The following KPNA7 variants were observed in gnomAD, a reference collection of about 807,000 sequenced individuals.
KPNA7 encodes importin subunit alpha-8.
In KPNA7, 54 loss-of-function variants were observed where a neutral mutation model predicts 53.7. The ratio of observed to expected loss-of-function variants is 1.01; its 90% CI spans 0.81 to 1.26. The LOEUF (loss-of-function observed/expected upper bound fraction) is 1.26, where lower values mean the gene tolerates loss of function less well. Ranked by LOEUF, KPNA7 falls within the 50% of genes most tolerant of loss-of-function variation. The probability of loss-of-function intolerance (pLI) is 0.00; values close to 1 mark genes in which losing one functional copy is unlikely to be tolerated. For synonymous variants in KPNA7, 276 were observed against 259.3 expected (o/e 1.06, Z -0.62); for missense variants, 640 against 644.5 (o/e 0.99, Z 0.07).
At chr7:99,207,278 C>T (rs1790862317) in intron 2 of KPNA7, 123 bp downstream of exon 2, 2 of 759,974 alleles carry the variant, frequency 2.6e-6, no homozygotes, top group Non-Finnish European at 4.6e-6. Flanking sequence ...TGTGATCTGC[C>T]CGTCTCAGCC....
the KPNA7 span, among the ~76,000 whole-genome samples, chr7:99,146,751 A>G: frequency 2.2e-5 from 3 of 135,426 alleles, no homozygotes; most frequent in East Asian, 2.1e-4. Flanking sequence ...AAAAAAAACA[A>G]CGGAAAATGC....
rs542466551 is a variant in KPNA7 at position 99,201,383 on chromosome 7, G to A, written c.201+1723C>T. On this transcript the variant is annotated intron_variant, in intron 3 of 10. Transcript: ENST00000327442. ...ATTTCTTTAAAAAATATGCTAATAT[G>A]CCAAGCACAGTGGCTCATGCCTGTA... Among the ~76,000 whole-genome samples, 6 of 152,094 alleles carry A rather than the reference G, an allele frequency of 3.9e-5. No individual in the cohort carries two copies. In the South Asian group the frequency reaches 6.2e-4, roughly 16 times the overall value.
At chr7:99,189,232 T>C (rs1204819911) in intron 6 of KPNA7, among the ~76,000 whole-genome samples, 2 of 152,194 alleles carry the variant, frequency 1.3e-5, no homozygotes. Context: ...TCTAATCTTC[T>C]AATTGAGAAT....
chr7:99,198,253 A>C (rs1790328286), intron 3 of KPNA7, among the ~76,000 whole-genome samples: 1 of 152,028 alleles, frequency 6.6e-6, no homozygotes, highest in Admixed American at 6.6e-5. Flanking sequence ...AACTTTACCA[A>C]CTTTACAAAA....
At chr7:99,174,602 C>CA (rs1026346389) in intron 10 of KPNA7, among the ~76,000 whole-genome samples, 6 of 152,082 alleles carry the variant, frequency 3.9e-5, no homozygotes, top group African/African-American at 1.4e-4. Flanking sequence ...TTGATGACTG[C>CA]AGGTACCAAA....
intron 8 of KPNA7, among the ~76,000 whole-genome samples, chr7:99,183,167 A>G (rs967751339): frequency 1.3e-5 from 2 of 152,056 alleles, no homozygotes; most frequent in Non-Finnish European, 2.9e-5. Context: ...AAGGAGAATC[A>G]CTTGAACTCA....
At chr7:99,168,501 A>T in the KPNA7 span, among the ~76,000 whole-genome samples, 1 of 151,254 alleles carries the variant, frequency 6.6e-6, no homozygotes, top group African/African-American at 2.4e-5. Context: ...CCGCTTTGGG[A>T]CTTGTTTCCT....
At chr7:99,187,105 GGT>G (rs1789634522) in intron 7 of KPNA7, among the ~76,000 whole-genome samples, 2 of 152,026 alleles carry the variant, frequency 1.3e-5, no homozygotes, top group South Asian at 4.2e-4. Flanking sequence ...TGGCCAACCT[GGT>G]GAAACCCTGT....
chr7:99,161,034 T>C, the KPNA7 span, among the ~76,000 whole-genome samples: 1 of 152,096 alleles, frequency 6.6e-6, no homozygotes, highest in East Asian at 1.9e-4. Context: ...CTTATTTTCG[T>C]ATATTTTAGT....
chr7:99,169,771 T>G (rs140545575), downstream of KPNA7, among the ~76,000 whole-genome samples: 1,351 of 151,906 alleles, frequency 8.9e-3, 19 homozygotes, highest in African/African-American at 0.031. Flanking sequence ...CCAGGCGCAG[T>G]GGCTCACGCC....
the KPNA7 span, among the ~76,000 whole-genome samples, chr7:99,164,956 G>T: frequency 0.084 from 12,820 of 151,952 alleles, 745 homozygotes; most frequent in East Asian, 0.17. Context: ...AAGTAGCCGG[G>T]TATGGCAGTA....
the KPNA7 span, among the ~76,000 whole-genome samples, chr7:99,150,418 C>T: frequency 1.6e-4 from 3 of 18,308 alleles, no homozygotes; most frequent in Admixed American, 8.1e-4. Context: ...ATGAATCATT[C>T]TTCTCTTTTT....
intron 1 of KPNA7, among the ~76,000 whole-genome samples, chr7:99,214,449 AAAC>A (rs1791154915): frequency 6.8e-6 from 1 of 146,206 alleles, no homozygotes; most frequent in African/African-American, 2.5e-5. Flanking sequence ...TCTCAAAAAA[AAAC>A]AAAAAACAAA....
At chr7:99,207,694 G>A (rs908385446) in intron 1 of KPNA7, among the ~76,000 whole-genome samples, 1 of 141,802 alleles carries the variant, frequency 7.1e-6, no homozygotes, top group Admixed American at 7.4e-5. Context: ...TGAGTGCAGT[G>A]GGGGGATATC....
intron 6 of KPNA7, among the ~76,000 whole-genome samples, chr7:99,190,914 C>T (rs1789915438): frequency 6.6e-6 from 1 of 151,992 alleles, no homozygotes; most frequent in South Asian, 2.1e-4. Flanking sequence ...CATATGTCAC[C>T]TAGCAAGGTA....
chr7:99,188,454 A>G lies in KPNA7; in HGVS notation c.746T>C (p.Leu249Pro). 6.4e-7 allele frequency: 1 copy of G among 1,551,634 alleles called. No individual in the cohort carries two copies. Among genetic ancestry groups the G allele is most frequent in the Non-Finnish European group, 8.7e-7 (1 of 1,146,992 alleles). ...AACCTCACTGTCCTGGTGCTGCAGG[A>G]GGTGAAGGAGGGCCGGCAGTATCTG... ...VKQILPALLH[L>P]LQHQDSEVLS... The change falls in exon 7 of 11, where the codon CTC (leucine) becomes CCC (proline). Residue 249 changes from leucine (L) to proline (P), a missense_variant. Physicochemically the swap from Leu to Pro is moderately conservative, Grantham distance 98. Coordinates refer to ENST00000327442, the MANE Select transcript of KPNA7 (RefSeq NM_001145715.3).
At chr7:99,184,535 T>C (rs1380122335) in intron 8 of KPNA7, among the ~76,000 whole-genome samples, 1 of 152,162 alleles carries the variant, frequency 6.6e-6, no homozygotes, top group African/African-American at 2.4e-5. Flanking sequence ...AACTTTGCTT[T>C]CCTTCAGTGT....
intron 6 of KPNA7, among the ~76,000 whole-genome samples, chr7:99,191,160 AT>A (rs5886098): frequency 0.81 from 109,135 of 134,390 alleles, 45,093 homozygotes; most frequent in East Asian, 0.91. Flanking sequence ...CTGCTATACA[AT>A]TTTTTTTTTT....
chr7:99,210,907 G>A (rs1317764195), upstream of KPNA7, among the ~76,000 whole-genome samples: 1 of 151,842 alleles, frequency 6.6e-6, no homozygotes, highest in Non-Finnish European at 1.5e-5. Flanking sequence ...TGTTCACAAG[G>A]CAGCAGGGAA....
Sources: allele counts gnomAD v4.1 joint callset (sites outside exome capture counted in the v4.1 genomes callset), GRCh38; gene constraint gnomAD v4.1.1; transcripts MANE v1.5; gene names NCBI Gene and HGNC (gene_info 2026-07-23, HGNC 2026-07-21).